Variants in KCNIP1 observed in about 807,000 individuals in gnomAD.
KCNIP1 encodes potassium voltage-gated channel interacting protein 1, also known as A-type potassium channel modulatory protein KCNIP1.
Under a neutral mutation model 33.0 loss-of-function variants are expected in KCNIP1, and 18 were observed. The observed-to-expected ratio is 0.55, with a 90% CI of 0.38 to 0.81. KCNIP1 has a LOEUF of 0.81. Ranked by LOEUF, KCNIP1 falls within the 30% of genes least tolerant of loss-of-function variation. The pLI, the probability that KCNIP1 is intolerant of heterozygous loss-of-function variation, is 0.00. For synonymous variants in KCNIP1, 93 were observed against 98.3 expected, an observed-to-expected ratio of 0.95 and a Z score of 0.32; for missense variants, 238 against 271.6, an observed-to-expected ratio of 0.88 and a Z score of 0.87.
At chr5:170,439,637 G>T (rs1561626561) in intron 1 of KCNIP1, among the ~76,000 whole-genome samples, 1 of 152,242 alleles carries the variant, frequency 6.6e-6, no homozygotes, top group Non-Finnish European at 1.5e-5. Flanking sequence ...GTGGCAGGCT[G>T]CTGTGAGGGG....
At chr5:170,592,736 C>G (rs1758304940) in intron 1 of KCNIP1, among the ~76,000 whole-genome samples, 1 of 152,192 alleles carries the variant, frequency 6.6e-6, no homozygotes, top group Admixed American at 6.5e-5. Flanking sequence ...TGGGCTTCCT[C>G]TTCTGCAAAA....
chr5:170,727,413 C>T (rs1252829662), intron 5 of KCNIP1, among the ~76,000 whole-genome samples: 1 of 152,098 alleles, frequency 6.6e-6, no homozygotes, highest in Non-Finnish European at 1.5e-5. Context: ...TGTCAACATT[C>T]ATCAAACAGT....
chr5:170,656,261 TAA>T (rs1246350667), intron 1 of KCNIP1, among the ~76,000 whole-genome samples: 8 of 152,220 alleles, frequency 5.3e-5, no homozygotes, highest in Non-Finnish European at 7.3e-5. Context: ...GTGCACACAC[TAA>T]GTGTGCAAGA....
chr5:170,465,982 T>G (rs541352205), intron 1 of KCNIP1, among the ~76,000 whole-genome samples: 66 of 152,172 alleles, frequency 4.3e-4, no homozygotes, highest in African/African-American at 1.6e-3. Flanking sequence ...TGAATGTGGT[T>G]TGGAAGACAA....
intron 1 of KCNIP1, chr5:170,680,823 T>C (rs867858688): frequency 3.0e-6 from 1 of 336,546 alleles, no homozygotes; most frequent in Non-Finnish European, 5.3e-6. Flanking sequence ...TTTGGAGAAA[T>C]TGCCTTGGGA....
intron 5 of KCNIP1, among the ~76,000 whole-genome samples, chr5:170,729,590 T>TC (rs2113891069): frequency 6.6e-6 from 1 of 152,118 alleles, no homozygotes; most frequent in African/African-American, 2.4e-5. Context: ...GCAAAGCAGA[T>TC]GAAAAAATAG....
chr5:170,726,390 C>T (rs1214743346), intron 5 of KCNIP1, among the ~76,000 whole-genome samples: 2 of 152,122 alleles, frequency 1.3e-5, no homozygotes. Flanking sequence ...TGCTCTATAT[C>T]ACTGGTCTTC....
intron 1 of KCNIP1, among the ~76,000 whole-genome samples, chr5:170,597,224 A>T (rs1758470144): frequency 6.6e-6 from 1 of 152,210 alleles, no homozygotes; most frequent in African/African-American, 2.4e-5. Context: ...TTTAAAGGCC[A>T]GGAGCAGGAC....
In KCNIP1 at chr5:170,732,911, G is replaced by T; in HGVS notation, c.540+7G>T. ...TGTGGACGTCTTCTTCCAGGTAAGT[G>T]CACACACCCTGCACATGAGCTGTAA... is the stretch of plus-strand genomic sequence containing the variant. On this transcript the variant is annotated splice_region_variant and intron_variant, in intron 6 of 7. Coordinates refer to ENST00000328939, the MANE Select transcript of KCNIP1 (RefSeq NM_014592.4). 6.4e-7 allele frequency: 1 copy of T among 1,558,346 alleles called. No individual in the cohort carries two copies. Among genetic ancestry groups the T allele is most frequent in the African/African-American group, 1.4e-5 (1 of 73,924 alleles).
chr5:170,735,721 C>T (rs972636558), intron 7 of KCNIP1, 38 bp from the exon 8 acceptor site: 1 of 1,582,318 alleles, frequency 6.3e-7, no homozygotes, highest in African/African-American at 1.3e-5. Flanking sequence ...AGGGAGGAGA[C>T]TCAGAGTTCT....
chr5:170,569,922 A>G (rs1246085588), intron 1 of KCNIP1, among the ~76,000 whole-genome samples: 1 of 152,182 alleles, frequency 6.6e-6, no homozygotes, highest in African/African-American at 2.4e-5. Context: ...GAGCCTAAAA[A>G]TGCACCAAAG....
At chr5:170,443,665 G>GT (rs1756044364) in intron 1 of KCNIP1, among the ~76,000 whole-genome samples, 1 of 152,234 alleles carries the variant, frequency 6.6e-6, no homozygotes, top group African/African-American at 2.4e-5. Flanking sequence ...GTTCTCCTCT[G>GT]TGTGAAACAT....
intron 1 of KCNIP1, among the ~76,000 whole-genome samples, chr5:170,492,694 G>A (rs1757230524): frequency 1.3e-5 from 2 of 152,196 alleles, no homozygotes. Context: ...CATCACTCGG[G>A]AAACTCCAAG....
intron 1 of KCNIP1, among the ~76,000 whole-genome samples, chr5:170,575,113 G>A (rs941902975): frequency 2.6e-5 from 4 of 152,192 alleles, no homozygotes; most frequent in African/African-American, 9.6e-5. Context: ...AGTCATACTG[G>A]AAGCAGCAAT....
intron 5 of KCNIP1, among the ~76,000 whole-genome samples, chr5:170,724,190 A>G (rs182866402): frequency 1.2e-4 from 18 of 152,342 alleles, no homozygotes; most frequent in African/African-American, 4.3e-4. Context: ...ATAGGCCCAG[A>G]TGGTGGACTG....
At chr5:170,537,859 C>G (rs1756054146) in intron 1 of KCNIP1, among the ~76,000 whole-genome samples, 1 of 152,228 alleles carries the variant, frequency 6.6e-6, no homozygotes. Context: ...TGTACACAGT[C>G]CTTTTGTTAC....
intron 1 of KCNIP1, chr5:170,374,898 G>T (rs942706611): frequency 6.6e-6 from 1 of 152,140 alleles, no homozygotes; most frequent in Non-Finnish European, 1.5e-5. Flanking sequence ...GCAAATGAAG[G>T]TCATCATTAA....
intron 1 of KCNIP1, among the ~76,000 whole-genome samples, chr5:170,715,581 A>G (rs1763617557): frequency 6.6e-6 from 1 of 152,208 alleles, no homozygotes; most frequent in South Asian, 2.1e-4. Flanking sequence ...TGAGGCACTC[A>G]CAGTTAGAAA....
At chr5:170,696,053 A>G (rs544461548) in intron 1 of KCNIP1, among the ~76,000 whole-genome samples, 198 of 147,314 alleles carry the variant, frequency 1.3e-3, no homozygotes, top group Non-Finnish European at 2.3e-3. Flanking sequence ...TTCTCATCTC[A>G]TAATCTTTGC....
Sources: allele counts gnomAD v4.1 joint callset (sites outside exome capture counted in the v4.1 genomes callset), GRCh38; gene constraint gnomAD v4.1.1; transcripts MANE v1.5; gene names NCBI Gene and HGNC (gene_info 2026-07-23, HGNC 2026-07-21).